Variants in CNTN4 observed in about 807,000 individuals in gnomAD.
The protein encoded by CNTN4 is contactin 4.
A neutral mutation model predicts 122.5 loss-of-function variants in CNTN4; 77 were observed. The ratio of observed to expected loss-of-function variants is 0.63; its 90% CI spans 0.52 to 0.76. CNTN4 has a LOEUF of 0.76. CNTN4 is among the 30% of genes least tolerant of loss of function. CNTN4 has a pLI of 0.00. For synonymous variants in CNTN4, 512 were observed against 447.0 expected, an observed-to-expected ratio of 1.15 and a Z score of -1.83; for missense variants, 1,256 against 1,259.1, an observed-to-expected ratio of 1.00 and a Z score of 0.04.
At chr3:2,171,464 A>G (rs1318925557) in intron 2 of CNTN4, among the ~76,000 whole-genome samples, 1 of 152,238 alleles carries the variant, frequency 6.6e-6, no homozygotes, top group Non-Finnish European at 1.5e-5. Flanking sequence ...GGATGAAATT[A>G]CACAGTGGAG....
At chr3:2,203,637 C>G (rs954888322) in intron 2 of CNTN4, among the ~76,000 whole-genome samples, 1 of 151,996 alleles carries the variant, frequency 6.6e-6, no homozygotes, top group Non-Finnish European at 1.5e-5. Flanking sequence ...ATAGATGTAT[C>G]CTTATACCTT....
intron 2 of CNTN4, among the ~76,000 whole-genome samples, chr3:2,117,111 T>C (rs754649302): frequency 6.6e-6 from 1 of 152,130 alleles, no homozygotes; most frequent in Non-Finnish European, 1.5e-5. Flanking sequence ...CACAAGACTG[T>C]CCCCTACTCC....
At chr3:2,639,337 C>A (rs138687747) in intron 4 of CNTN4, among the ~76,000 whole-genome samples, 27 of 152,264 alleles carry the variant, frequency 1.8e-4, no homozygotes, top group African/African-American at 6.3e-4. Context: ...GCCAGGCTTG[C>A]ACCTGCCATC....
At chr3:2,926,137 T>C (rs2094471314) in intron 13 of CNTN4, among the ~76,000 whole-genome samples, 1 of 152,212 alleles carries the variant, frequency 6.6e-6, no homozygotes, top group Non-Finnish European at 1.5e-5. Flanking sequence ...AATAAGCCCA[T>C]GTCTTATTTG....
intron 3 of CNTN4, among the ~76,000 whole-genome samples, chr3:2,365,656 C>T (rs2045349279): frequency 6.6e-6 from 1 of 152,184 alleles, no homozygotes; most frequent in Non-Finnish European, 1.5e-5. Context: ...AGATTCCCTT[C>T]TCCAAGTTGC....
chr3:2,663,959 T>C (rs1407805917), intron 4 of CNTN4, among the ~76,000 whole-genome samples: 1 of 152,116 alleles, frequency 6.6e-6, no homozygotes, highest in African/African-American at 2.4e-5. Context: ...TCTATTGAGA[T>C]AGAAAGACTA....
At chr3:2,217,173 C>G (rs1259117475) in intron 2 of CNTN4, among the ~76,000 whole-genome samples, 1 of 152,116 alleles carries the variant, frequency 6.6e-6, no homozygotes, top group African/African-American at 2.4e-5. Flanking sequence ...TGCTCCTGGG[C>G]TTTTCTGTGA....
chr3:2,668,915 C>A (rs1396538257), intron 4 of CNTN4, among the ~76,000 whole-genome samples: 1 of 152,156 alleles, frequency 6.6e-6, no homozygotes, highest in Non-Finnish European at 1.5e-5. Context: ...ATATGTTGAA[C>A]CAGCCTTGCA....
At chr3:2,192,246 T>G (rs943529905) in intron 2 of CNTN4, among the ~76,000 whole-genome samples, 4 of 152,136 alleles carry the variant, frequency 2.6e-5, no homozygotes, top group East Asian at 3.9e-4. Flanking sequence ...TGTATACCCA[T>G]TAATGGGATG....
chr3:2,430,255 C>A (rs947889038), intron 3 of CNTN4, among the ~76,000 whole-genome samples: 3 of 151,834 alleles, frequency 2.0e-5, no homozygotes, highest in Admixed American at 6.6e-5. Flanking sequence ...AACCCCATCA[C>A]CCTAAAAATA....
chr3:2,773,127 TG>T (rs61218755), intron 6 of CNTN4, among the ~76,000 whole-genome samples: 13,448 of 150,868 alleles, frequency 0.089, 692 homozygotes, highest in African/African-American at 0.14. Context: ...AATCTTTTGG[TG>T]GGGGGGGTTG....
chr3:2,287,669 A>G (rs766915990), intron 2 of CNTN4, among the ~76,000 whole-genome samples: 637 of 56,928 alleles, frequency 0.011, 11 homozygotes, highest in Middle Eastern at 0.017. Flanking sequence ...AAGAAGAAGA[A>G]GAAGAAGAAG....
At chr3:2,622,093 C>G (rs899787125) in intron 4 of CNTN4, among the ~76,000 whole-genome samples, 1 of 152,150 alleles carries the variant, frequency 6.6e-6, no homozygotes, top group African/African-American at 2.4e-5. Flanking sequence ...GAAAACACCC[C>G]CTTTCTCTCA....
chr3:2,132,234 A>G (rs1375230451), intron 2 of CNTN4: 2 of 152,150 alleles, frequency 1.3e-5, no homozygotes, highest in East Asian at 3.9e-4. Context: ...TGTGCCAGAC[A>G]TGTAAATTAC....
chr3:2,997,645 C>G (rs2125366755), intron 14 of CNTN4, among the ~76,000 whole-genome samples: 1 of 152,262 alleles, frequency 6.6e-6, no homozygotes, highest in Non-Finnish European at 1.5e-5. Flanking sequence ...AGAATCTGAC[C>G]AAGATGAAAG....
intron 9 of CNTN4, among the ~76,000 whole-genome samples, chr3:2,885,707 T>C (rs1039601253): frequency 6.6e-6 from 1 of 152,242 alleles, no homozygotes; most frequent in Admixed American, 6.5e-5. Flanking sequence ...TATTATATCT[T>C]ACAATTTGTG....
At chr3:2,419,728 T>C (rs1277459563) in intron 3 of CNTN4, among the ~76,000 whole-genome samples, 1 of 152,218 alleles carries the variant, frequency 6.6e-6, no homozygotes, top group East Asian at 1.9e-4. Context: ...TAAGGAAACC[T>C]GTAGAAAACC....
intron 14 of CNTN4, 105 bp downstream of exon 14, chr3:2,988,577 C>G (rs1577521609): frequency 8.6e-7 from 1 of 1,162,552 alleles, no homozygotes; most frequent in South Asian, 1.2e-5. Context: ...ACAGATACCA[C>G]TGTATTGCTA....
At chr3:2,584,562 G>A (rs2080092935) in intron 4 of CNTN4, among the ~76,000 whole-genome samples, 2 of 151,842 alleles carry the variant, frequency 1.3e-5, no homozygotes, top group South Asian at 4.2e-4. Context: ...AAATTAGCAA[G>A]GCATGATGGC....
Sources: gnomAD v4.1 joint callset for allele counts (sites outside exome capture counted in the v4.1 genomes callset) on GRCh38, gnomAD v4.1.1 for gene constraint, MANE v1.5 for transcripts, NCBI Gene and HGNC (gene_info 2026-07-23, HGNC 2026-07-21) for gene names.